The following PHACTR2 variants were observed in gnomAD, a reference collection of about 807,000 sequenced individuals.
PHACTR2 encodes the protein phosphatase and actin regulator 2, also known as chromosome 6 open reading frame 56.
A neutral mutation model predicts 76.0 loss-of-function variants in PHACTR2; 30 were observed. The observed-to-expected ratio is 0.39, with a 90% CI of 0.30 to 0.54. The LOEUF (loss-of-function observed/expected upper bound fraction) is 0.54, where lower values mean the gene tolerates loss of function less well. PHACTR2 is among the 20% of genes least tolerant of loss of function. PHACTR2 has a pLI of 0.61. For missense variants in PHACTR2, 696 were observed against 781.1 expected (o/e 0.89, Z 1.30); for synonymous variants, 292 against 292.5 (o/e 1.00, Z 0.02).
At chr6:143,815,817 G>A (rs746133869) in intron 12 of PHACTR2, among the ~76,000 whole-genome samples, 24 of 151,428 alleles carry the variant, frequency 1.6e-4, no homozygotes, top group Non-Finnish European at 2.6e-4. Flanking sequence ...ACTTGAACCC[G>A]GGAGGTGGAG....
chr6:143,810,774 G>A (rs960696292), intron 12 of PHACTR2, among the ~76,000 whole-genome samples: 7 of 151,906 alleles, frequency 4.6e-5, no homozygotes, highest in Admixed American at 3.3e-4. Context: ...GGAGGCTGCA[G>A]TGAGGCATGG....
At chr6:143,706,324 G>T (rs1778052244) in intron 1 of PHACTR2, among the ~76,000 whole-genome samples, 1 of 152,184 alleles carries the variant, frequency 6.6e-6, no homozygotes, top group Non-Finnish European at 1.5e-5. Flanking sequence ...TGCTACTGGG[G>T]TGTTACTGCT....
rs758083711 is a variant in PHACTR2 at position 143,765,246 on chromosome 6, G to GCC, written c.695-15_695-14insCC. 1.3e-6 allele frequency: 2 copies of GCC among 1,583,170 alleles called. No homozygotes were observed. The highest frequency in any genetic ancestry group is 4.5e-5 in the East Asian group (2 of 44,578). On this transcript the variant is annotated splice_polypyrimidine_tract_variant and intron_variant, in intron 5 of 12. Coordinates refer to ENST00000440869, the MANE Select transcript of PHACTR2 (RefSeq NM_001100164.2). The surrounding 1 kb of genome is among the most constrained non-coding windows in gnomAD (Gnocchi z 4.1). ...GTATTCTTTGATTTTTTAATGCAAG[G>GCC]TCTCTCTATTGTAGCTGGCTCCTCT...
rs1294737215 is a variant in PHACTR2, at chr6:143,753,153, T to C, written c.296-601T>C. Among the ~76,000 whole-genome samples, 2 of 152,146 alleles carry C rather than the reference T, an allele frequency of 1.3e-5. No homozygotes were observed. Among genetic ancestry groups the C allele is most frequent in the Admixed American group, 6.5e-5 (1 of 15,278 alleles). ...TAATAATTACCTGAGTATACTTTAATCTTTCCATAAACAAATAAAAATAAA... is the reference window on the plus strand; with the variant it reads ...TAATAATTACCTGAGTATACTTTAACCTTTCCATAAACAAATAAAAATAAA... On this transcript the variant is annotated intron_variant, in intron 3 of 12. Transcript: ENST00000440869. This position sits in a 1 kb window ranked among gnomAD's most constrained non-coding sequence, Gnocchi z 4.6.
rs1266733800 is a variant in PHACTR2 at position 143,830,763 on chromosome 6, A to G, written c.*7074A>G. On this transcript the variant is annotated 3_prime_UTR_variant, in exon 13 of 13. Coordinates refer to ENST00000440869, the MANE Select transcript of PHACTR2 (RefSeq NM_001100164.2). ...AGAACATTGTTTAGCTTTCCTAAGT[A>G]TATATAAATGCATATATGTATAAAA... 2 of 152,246 alleles carry G rather than the reference A, an allele frequency of 1.3e-5. No individual in the cohort carries two copies. Among genetic ancestry groups the G allele is most frequent in the African/African-American group, 2.4e-5 (1 of 41,468 alleles). 9.4% of individuals were successfully genotyped at this position (152,246 alleles called of 1,614,324 possible).
chr6:143,680,239 A>C lies in PHACTR2; in HGVS notation c.46+2030A>C, dbSNP rs1480483507. ...GTCTGAGACTGTCAAACTCTCTACT[A>C]TTCCAGGTATTTTGTTCACTCCTTG... On this transcript the variant is annotated intron_variant, in intron 1 of 12. Coordinates refer to ENST00000440869, the MANE Select transcript of PHACTR2 (RefSeq NM_001100164.2). This position sits in a 1 kb window ranked among gnomAD's most constrained non-coding sequence, Gnocchi z 4.5. Among the ~76,000 whole-genome samples, 3 of 152,192 alleles carry C rather than the reference A, an allele frequency of 2.0e-5. No homozygotes were observed. The highest frequency in any genetic ancestry group is 2.1e-4 in the South Asian group (1 of 4,818).
rs1237753002 is a variant in PHACTR2 at position 143,708,964 on chromosome 6, T to C, written c.47-3052T>C. Among the ~76,000 whole-genome samples, 2 of 152,214 alleles carry C rather than the reference T, an allele frequency of 1.3e-5. No homozygotes were observed. The highest frequency in any genetic ancestry group is 2.4e-5 in the African/African-American group (1 of 41,452). On this transcript the variant is annotated intron_variant, in intron 1 of 12. Coordinates refer to ENST00000440869, the MANE Select transcript of PHACTR2 (RefSeq NM_001100164.2). This position sits in a 1 kb window ranked among gnomAD's most constrained non-coding sequence, Gnocchi z 5.5. The stretch of plus-strand genomic sequence containing the variant: ...AATTTGAGATGGAAACTTTTGTTTC[T>C]ATGTTCATAATAATTAGCCCTTTTA...
chr6:143,569,567 G>A (rs986339710), intron 1 of PHACTR2, among the ~76,000 whole-genome samples: 1 of 152,050 alleles, frequency 6.6e-6, no homozygotes, highest in South Asian at 2.1e-4. Flanking sequence ...TGAAAATTTT[G>A]ATGTATTTAT....
rs766148142 is a variant in PHACTR2, at chr6:143,537,914, C to T, written c.217+707C>T. On this transcript the variant is annotated intron_variant, in intron 1 of 11. Transcript: ENST00000367584. The surrounding 1 kb of genome is among the most constrained non-coding windows in gnomAD (Gnocchi z 4.4). Reference sequence around the variant, plus strand: ...TTGAGGTCAAAAGTTCGAGACCGGCCTGGCCAACATGGTCAGGAAACTTCG... The same window carrying T: ...TTGAGGTCAAAAGTTCGAGACCGGCTTGGCCAACATGGTCAGGAAACTTCG... 1.3e-5 allele frequency among the ~76,000 whole-genome samples: 2 copies of T among 152,226 alleles called. No individual in the cohort carries two copies. Among genetic ancestry groups the T allele is most frequent in the Admixed American group, 6.5e-5 (1 of 15,288 alleles).
intron 1 of PHACTR2, among the ~76,000 whole-genome samples, chr6:143,668,769 C>T (rs184695984): frequency 1.3e-5 from 2 of 152,140 alleles, no homozygotes; most frequent in Admixed American, 1.3e-4. Context: ...TCTCTCTTCT[C>T]TTCTTTATTA....
rs1777177300 is a variant in PHACTR2, at chr6:143,672,751, G to A, written c.14-39265G>A. On this transcript the variant is annotated intron_variant, in intron 1 of 11. Transcript: ENST00000305766. This position sits in a 1 kb window ranked among gnomAD's most constrained non-coding sequence, Gnocchi z 5.8. Reference sequence around the variant, plus strand: ...TTTATTTATTTCTTTTTGAGACAGAGTCTCACTCTGTTGCCCAGGCTGGAA... The same window carrying A: ...TTTATTTATTTCTTTTTGAGACAGAATCTCACTCTGTTGCCCAGGCTGGAA... Among the ~76,000 whole-genome samples the A allele has an allele frequency of 6.6e-6, 1 of 151,970 alleles. No individual in the cohort carries two copies. Among genetic ancestry groups the A allele is most frequent in the Non-Finnish European group, 1.5e-5 (1 of 67,974 alleles).
Position 143,778,616 on chromosome 6 carries a change from G to A in PHACTR2, c.1645+1233G>A, listed in dbSNP as rs146763878. Among the ~76,000 whole-genome samples, 681 of 152,232 alleles carry A rather than the reference G, an allele frequency of 4.5e-3. 6 individuals carry two copies. Among genetic ancestry groups the A allele is most frequent in the African/African-American group, 0.016 (650 of 41,548 alleles). ...TGTGTTTTTGCTTTGCTGAGGAAGAGTAGAAGCAGCATCTCATTTTGACAC... is the reference window on the plus strand; with the variant it reads ...TGTGTTTTTGCTTTGCTGAGGAAGAATAGAAGCAGCATCTCATTTTGACAC... On this transcript the variant is annotated intron_variant, in intron 9 of 12. Transcript: ENST00000440869.
intron 9 of PHACTR2, among the ~76,000 whole-genome samples, chr6:143,778,356 G>A (rs529174764): frequency 4.6e-5 from 7 of 152,164 alleles, no homozygotes; most frequent in African/African-American, 1.7e-4. Context: ...GTAGCATATT[G>A]TATTACAGTT....
At chr6:143,719,607 C>T (rs867725678) in intron 2 of PHACTR2, among the ~76,000 whole-genome samples, 4 of 150,028 alleles carry the variant, frequency 2.7e-5, no homozygotes, top group Middle Eastern at 3.4e-3. Context: ...GCCTCGGCCT[C>T]CTAAAGTCCT....
chr6:143,696,476 A>G lies in PHACTR2; in HGVS notation c.47-15540A>G, dbSNP rs1010084763. 1.9e-4 allele frequency among the ~76,000 whole-genome samples: 29 copies of G among 152,096 alleles called. No individual in the cohort carries two copies. The highest frequency in any genetic ancestry group is 4.1e-4 in the South Asian group (2 of 4,832). On this transcript the variant is annotated intron_variant, in intron 1 of 12. Transcript: ENST00000440869. The surrounding 1 kb of genome is among the most constrained non-coding windows in gnomAD (Gnocchi z 4.1). The stretch of plus-strand genomic sequence containing the variant: ...TATCAGCCTTTTTCCACTTGCTTAC[A>G]TGTATTATCTCTATTAACAGTAGCC...
rs1775324840 is a variant in PHACTR2, at chr6:143,777,969, CTT to C, written c.1645+588_1645+589del. ...CTGTTTTTCCCTCTGTTCTCTTTGA[CTT>C]TAGTTTTTACTCATCCCTGCAGTAG... On this transcript the variant is annotated intron_variant, in intron 9 of 12. Transcript: ENST00000440869. The surrounding 1 kb of genome is among the most constrained non-coding windows in gnomAD (Gnocchi z 4.6). 6.6e-6 allele frequency among the ~76,000 whole-genome samples: 1 copy of C among 152,070 alleles called. No individual in the cohort carries two copies. Among genetic ancestry groups the C allele is most frequent in the African/African-American group, 2.4e-5 (1 of 41,416 alleles).
rs1345586443 is a variant in PHACTR2 at position 143,801,897 on chromosome 6, T to A, written c.1846-5160T>A. On this transcript the variant is annotated intron_variant, in intron 11 of 12. Transcript: ENST00000440869. The surrounding 1 kb of genome is among the most constrained non-coding windows in gnomAD (Gnocchi z 4.6). Reference sequence around the variant, plus strand: ...GATGGGGTTTGGGTGTGGATGTCCTTTTTGTTGATGTTGATACTATTCCTT... The same window carrying A: ...GATGGGGTTTGGGTGTGGATGTCCTATTTGTTGATGTTGATACTATTCCTT... Among the ~76,000 whole-genome samples, 1 of 152,172 alleles carries A rather than the reference T, an allele frequency of 6.6e-6. No homozygotes were observed. The highest frequency in any genetic ancestry group is 6.5e-5 in the Admixed American group (1 of 15,280).
rs1411427560 is a variant in PHACTR2, at chr6:143,663,069, TC to T, written c.14-48944del. ...TTCTTTTTTTATGGCTGTATAATAT[TC>T]CCTGGTGTATTTGTACCACGTTTTC... On this transcript the variant is annotated intron_variant, in intron 1 of 11. Transcript: ENST00000305766. This position sits in a 1 kb window ranked among gnomAD's most constrained non-coding sequence, Gnocchi z 4.1. 6.6e-6 allele frequency among the ~76,000 whole-genome samples: 1 copy of T among 152,218 alleles called. No homozygotes were observed. The highest frequency in any genetic ancestry group is 2.4e-5 in the African/African-American group (1 of 41,464).
Position 143,765,817 on chromosome 6 carries a change from C to A in PHACTR2, c.1232+19C>A. ...CAAAATGGTGAGTTGGGGAACAAAC[C>A]CCCTATTTTATCTGAGAACTAAAGA... is the stretch of plus-strand genomic sequence containing the variant. On this transcript the variant is annotated intron_variant, in intron 6 of 12. Coordinates refer to ENST00000440869, the MANE Select transcript of PHACTR2 (RefSeq NM_001100164.2). This position sits in a 1 kb window ranked among gnomAD's most constrained non-coding sequence, Gnocchi z 4.1. 6.3e-7 allele frequency: 1 copy of A among 1,582,492 alleles called. No homozygotes were observed. The highest frequency in any genetic ancestry group is 8.6e-7 in the Non-Finnish European group (1 of 1,157,532).
Sources: gnomAD v4.1 joint callset for allele counts (sites outside exome capture counted in the v4.1 genomes callset) on GRCh38, gnomAD v4.1.1 for gene constraint, Gnocchi (gnomAD v3.1) non-coding constraint, MANE v1.5 for transcripts, NCBI Gene and HGNC (gene_info 2026-07-23, HGNC 2026-07-21) for gene names.